Variants in MGMT observed in about 807,000 individuals in gnomAD.
The protein encoded by MGMT is O-6-methylguanine-DNA methyltransferase, also known as methylated-DNA--protein-cysteine methyltransferase.
A neutral mutation model predicts 15.9 loss-of-function variants in MGMT; 14 were observed. The observed-to-expected ratio is 0.88, with a 90% CI of 0.58 to 1.37. MGMT has a LOEUF of 1.37. MGMT is among the 40% of genes most tolerant of loss of function. MGMT has a pLI of 0.00. For synonymous variants in MGMT, 130 were observed against 118.2 expected (o/e 1.10, Z -0.65); for missense variants, 282 against 268.1 (o/e 1.05, Z -0.36).
At chr10:129,592,385 A>G (rs570850303) in intron 2 of MGMT, among the ~76,000 whole-genome samples, 4 of 152,352 alleles carry the variant, frequency 2.6e-5, no homozygotes, top group Middle Eastern at 3.4e-3. Context: ...GGCATTAACT[A>G]GTGTGAATTT....
At chr10:129,742,759 A>G (rs562739569) in intron 3 of MGMT, among the ~76,000 whole-genome samples, 10 of 142,712 alleles carry the variant, frequency 7.0e-5, no homozygotes, top group Non-Finnish European at 1.4e-4. Context: ...GAGCCAGGTC[A>G]TCAGGGCCGG....
intron 3 of MGMT, among the ~76,000 whole-genome samples, chr10:129,721,086 A>G (rs1003670700): frequency 6.6e-6 from 1 of 152,130 alleles, no homozygotes; most frequent in Non-Finnish European, 1.5e-5. Flanking sequence ...GTTATTATGA[A>G]ATATTTACTT....
At chr10:129,608,332 A>T (rs547656077) in intron 2 of MGMT, among the ~76,000 whole-genome samples, 25 of 152,224 alleles carry the variant, frequency 1.6e-4, no homozygotes, top group Non-Finnish European at 2.6e-4. Context: ...GTTAGATTAG[A>T]ATGGAAGGCA....
intron 1 of MGMT, among the ~76,000 whole-genome samples, chr10:129,483,107 A>T (rs36080560): frequency 0.22 from 32,802 of 152,138 alleles, 4,144 homozygotes; most frequent in Non-Finnish European, 0.28. Flanking sequence ...TGTGTAATGT[A>T]CATACTTAGC....
In MGMT at chr10:129,556,760, A is replaced by C. The variant is rs1846219011; in HGVS notation, c.125+20383A>C. On this transcript the variant is annotated intron_variant, in intron 2 of 4. Transcript: ENST00000651593. The surrounding 1 kb of genome is among the most constrained non-coding windows in gnomAD (Gnocchi z 4.3). ...AGGTTTGAGAAGGCATCCATTATTA[A>C]AACCAAATTCAACAGAGAATTTAAA... Among the ~76,000 whole-genome samples the C allele has an allele frequency of 6.6e-6, 1 of 152,228 alleles. No individual in the cohort carries two copies. Among genetic ancestry groups the C allele is most frequent in the Non-Finnish European group, 1.5e-5 (1 of 68,034 alleles).
At chr10:129,535,958 C>G (rs1196694160) in intron 1 of MGMT, among the ~76,000 whole-genome samples, 1 of 152,128 alleles carries the variant, frequency 6.6e-6, no homozygotes, top group Non-Finnish European at 1.5e-5. Flanking sequence ...GGTCAGCTTC[C>G]TTCGGTGTTG....
chr10:129,496,833 T>TTTTTG (rs1845526816), intron 1 of MGMT, among the ~76,000 whole-genome samples: 1 of 152,200 alleles, frequency 6.6e-6, no homozygotes, highest in Non-Finnish European at 1.5e-5. Flanking sequence ...TATATATTTA[T>TTTTTG]TTTTGTTTTG....
intron 3 of MGMT, among the ~76,000 whole-genome samples, chr10:129,723,526 A>T (rs1453830618): frequency 6.6e-6 from 1 of 152,220 alleles, no homozygotes; most frequent in Non-Finnish European, 1.5e-5. Context: ...TAACACCAAA[A>T]TAAAAAACAA....
chr10:129,698,552 G>T (rs541653230), intron 2 of MGMT, among the ~76,000 whole-genome samples: 1 of 152,290 alleles, frequency 6.6e-6, no homozygotes, highest in East Asian at 1.9e-4. Context: ...AAAGAAGAAC[G>T]TGCCCTCATG....
chr10:129,535,013 A>G (rs1845970257), intron 1 of MGMT, among the ~76,000 whole-genome samples: 3 of 152,210 alleles, frequency 2.0e-5, no homozygotes, highest in African/African-American at 7.2e-5. Flanking sequence ...ATTGTGTCTC[A>G]ATAAAACTTT....
chr10:129,641,899 A>G lies in MGMT; in HGVS notation c.126-65996A>G, dbSNP rs566082989. ...GTAATGCTGAAAACATGAAATCCAC[A>G]TAATGTATGCGGCATAGCTAATATT... On this transcript the variant is annotated intron_variant, in intron 2 of 4. Coordinates refer to ENST00000651593, the MANE Select transcript of MGMT (RefSeq NM_002412.5). Among the ~76,000 whole-genome samples the G allele has an allele frequency of 5.3e-5, 8 of 152,348 alleles. No homozygotes were observed. The South Asian group carries it at 6.2e-4, about 12-fold the overall frequency.
chr10:129,595,819 G>A (rs997197318), intron 2 of MGMT, among the ~76,000 whole-genome samples: 1 of 152,042 alleles, frequency 6.6e-6, no homozygotes, highest in African/African-American at 2.4e-5. Flanking sequence ...ACGAGCCGTC[G>A]GGGAGTTCCT....
intron 2 of MGMT, among the ~76,000 whole-genome samples, chr10:129,652,302 C>T (rs938068536): frequency 1.4e-4 from 22 of 152,302 alleles, no homozygotes; most frequent in African/African-American, 4.6e-4. Context: ...AGCCCCCGAG[C>T]GGAGACGCTG....
rs757560901 is a variant in MGMT, at chr10:129,546,209, A to G, written c.125+9832A>G. Among the ~76,000 whole-genome samples the G allele has an allele frequency of 1.0e-3, 152 of 152,204 alleles. 1 individual carries two copies. The highest frequency in any genetic ancestry group is 2.6e-3 in the African/African-American group (109 of 41,450). ...GGGAGGGGCCAGAATGTGCAGCCCC[A>G]CCTGCAGCCCAAGCCCAGCTCAGGG... is the stretch of plus-strand genomic sequence containing the variant. On this transcript the variant is annotated intron_variant, in intron 2 of 4. Transcript: ENST00000651593.
intron 2 of MGMT, among the ~76,000 whole-genome samples, chr10:129,605,386 A>G (rs1358236295): frequency 6.6e-6 from 1 of 152,176 alleles, no homozygotes; most frequent in African/African-American, 2.4e-5. Context: ...TTGAGGGCAC[A>G]TTAATTTCTA....
chr10:129,743,092 G>A (rs1259037956), intron 3 of MGMT, among the ~76,000 whole-genome samples: 1 of 152,192 alleles, frequency 6.6e-6, no homozygotes, highest in African/African-American at 2.4e-5. Context: ...CGCTATGTGG[G>A]TGGTATATGG....
At chr10:129,605,567 T>C (rs1846879185) in intron 2 of MGMT, among the ~76,000 whole-genome samples, 1 of 152,006 alleles carries the variant, frequency 6.6e-6, no homozygotes, top group Non-Finnish European at 1.5e-5. Flanking sequence ...AACAACATAG[T>C]GGATCATATT....
intron 3 of MGMT, among the ~76,000 whole-genome samples, chr10:129,732,166 T>G (rs1164946638): frequency 6.6e-6 from 1 of 152,164 alleles, no homozygotes; most frequent in African/African-American, 2.4e-5. Flanking sequence ...TAAATTTTTT[T>G]TATTATACTT....
intron 2 of MGMT, among the ~76,000 whole-genome samples, chr10:129,628,166 G>A (rs1847171603): frequency 6.6e-6 from 1 of 152,176 alleles, no homozygotes; most frequent in African/African-American, 2.4e-5. Flanking sequence ...TACCGAAGAT[G>A]CTTTTGTAGA....
Sources: allele counts gnomAD v4.1 joint callset (sites outside exome capture counted in the v4.1 genomes callset), GRCh38; gene constraint gnomAD v4.1.1; non-coding constraint Gnocchi (gnomAD v3.1); transcripts MANE v1.5; gene names NCBI Gene and HGNC (gene_info 2026-07-23, HGNC 2026-07-21).